Variants in LBHD1 observed in about 807,000 individuals in gnomAD.
LBHD1 encodes the protein LBH domain containing 1, also known as LBH domain-containing protein 1.
Under a neutral mutation model 31.1 loss-of-function variants are expected in LBHD1, and 28 were observed. That is an observed-to-expected ratio of 0.90 (90% confidence interval 0.67 to 1.24). The LOEUF is 1.24. Ranked by LOEUF, LBHD1 falls within the 50% of genes most tolerant of loss-of-function variation. LBHD1 has a pLI of 0.00. For missense variants in LBHD1, 350 were observed against 323.0 expected (o/e 1.08, Z -0.64); for synonymous variants, 105 against 116.5 (o/e 0.90, Z 0.63).
chr11:62,663,183 A>T (rs1309484039), intron 6 of LBHD1, 24 bp from the exon 7 acceptor site: 2 of 1,613,838 alleles, frequency 1.2e-6, no homozygotes, highest in South Asian at 2.2e-5. Flanking sequence ...AGAAGGAAGT[A>T]TTATCCCAAA....
intron 1 of LBHD1, 38 bp from the exon 2 acceptor site, chr11:62,670,079 T>A: frequency 3.2e-6 from 5 of 1,546,252 alleles, no homozygotes; most frequent in Non-Finnish European, 4.4e-6. Context: ...AGGAGAGTAC[T>A]GCTGCCCAGT....
intron 4 of LBHD1, chr11:62,665,286 TA>T (rs2134614132): frequency 1.4e-6 from 1 of 724,856 alleles, no homozygotes; most frequent in African/African-American, 1.8e-5. Context: ...TCGGGCTATA[TA>T]AAGGAGCTCC....
intron 3 of LBHD1, chr11:62,669,359 T>C (rs1401203062): frequency 6.2e-6 from 6 of 975,532 alleles, no homozygotes; most frequent in East Asian, 2.3e-4. Flanking sequence ...ATCGCGCCAC[T>C]GCACTCCAGT....
chr11:62,669,796 G>A lies in LBHD1; in HGVS notation c.158C>T (p.Ser53Phe). The stretch of plus-strand genomic sequence containing the variant: ...AATAGACGGCAGATGGGACTTTTGA[G>A]AGAAATCCTGAATAGGGACAGCAGG... The part of the protein sequence containing the change: ...VEGHQHIQDF[S>F]QKSHLPSIVV... Residue 53 changes from serine (S) to phenylalanine (F), a missense_variant, in exon 3 of 7, where the codon TCT becomes TTT. Physicochemically the swap from Ser to Phe is radical, Grantham distance 155. Transcript: ENST00000354588. 6.2e-7 allele frequency: 1 copy of A among 1,614,226 alleles called. No individual in the cohort carries two copies. The highest frequency in any genetic ancestry group is 8.5e-7 in the Non-Finnish European group (1 of 1,180,036).
chr11:62,665,957 G>C, intron 4 of LBHD1: 1 of 1,602,298 alleles, frequency 6.2e-7, no homozygotes, highest in Admixed American at 1.7e-5. Context: ...GTAGGGAGGT[G>C]GGGGCAGAGT....
intron 4 of LBHD1, chr11:62,666,206 G>A (rs1193883016): frequency 1.4e-6 from 1 of 723,062 alleles, no homozygotes; most frequent in African/African-American, 1.8e-5. Context: ...CGGGCACGAT[G>A]GCGCCTATAG....
chr11:62,669,794 G>A lies in LBHD1; in HGVS notation c.160C>T (p.Gln54Ter). 1.2e-6 allele frequency: 2 copies of A among 1,614,196 alleles called. No homozygotes were observed. Among genetic ancestry groups the A allele is most frequent in the Non-Finnish European group, 1.7e-6 (2 of 1,180,032 alleles). ...ACAATAGACGGCAGATGGGACTTTT[G>A]AGAGAAATCCTGAATAGGGACAGCA... ...EGHQHIQDFS[Q>*]KSHLPSIVVE... is the part of the protein sequence containing the mutation. The change falls in exon 3 of 7, where the codon CAA (glutamine) becomes TAA (stop). Residue 54 changes from glutamine to a stop codon, truncating the protein, a stop_gained. Transcript: ENST00000354588. LOFTEE classifies it high-confidence loss of function.
rs891438590 is a variant in LBHD1, at chr11:62,671,593, G to T, written c.-40C>A. 3.4e-6 allele frequency: 5 copies of T among 1,476,240 alleles called. No individual in the cohort carries two copies. The highest frequency in any genetic ancestry group is 4.5e-6 in the Non-Finnish European group (5 of 1,121,244). The allele number at this position is 1,476,240 out of a possible 1,614,324, so 91.4% of individuals were successfully genotyped here. On this transcript the variant is annotated 5_prime_UTR_variant, in exon 1 of 7. Transcript: ENST00000354588. ...GATCCAAGCGCTCCGGATTCCAAAC[G>T]TTTCCTCGAGCAGGTCCTCTCTAGC... is the stretch of plus-strand genomic sequence containing the variant.
chr11:62,667,089 G>T, intron 4 of LBHD1: 1 of 1,525,266 alleles, frequency 6.6e-7, no homozygotes, highest in Non-Finnish European at 8.8e-7. Context: ...ATTTCTGTGG[G>T]CAAGGAGAGG....
chr11:62,665,221 CCG>C, intron 4 of LBHD1: 1 of 775,958 alleles, frequency 1.3e-6, no homozygotes, highest in South Asian at 1.4e-5. Flanking sequence ...AGCGCCGGAT[CCG>C]CGGGGCTCCG....
Position 62,669,877 on chromosome 11 carries a change from C to T in LBHD1, c.150+5G>A, listed in dbSNP as rs1344074776. ...CTGCCAGACACAGGCTGAGGAAGTACTAACCTGAATGTGCTGGTGACCTTC... is the reference window on the plus strand; with the variant it reads ...CTGCCAGACACAGGCTGAGGAAGTATTAACCTGAATGTGCTGGTGACCTTC... On this transcript the variant is annotated splice_donor_5th_base_variant and intron_variant, in intron 2 of 6. Coordinates refer to ENST00000354588, the MANE Select transcript of LBHD1 (RefSeq NM_024099.5). 2 of 1,614,220 alleles carry T rather than the reference C, an allele frequency of 1.2e-6. No individual in the cohort carries two copies. The highest frequency in any genetic ancestry group is 8.5e-7 in the Non-Finnish European group (1 of 1,180,046).
Position 62,672,255 on chromosome 11 carries a change from G to T in LBHD1, c.-702C>A, listed in dbSNP as rs1320168159. ...TCCGGGGTCCTGTGAGCTGCCGTCG[G>T]GTGAGCACGTTTCCCCCAAACCCTG... is the stretch of plus-strand genomic sequence containing the variant. On this transcript the variant is annotated 5_prime_UTR_variant, in exon 1 of 7. Transcript: ENST00000354588. The T allele has an allele frequency of 2.3e-6, 2 of 884,326 alleles. No individual in the cohort carries two copies. Among genetic ancestry groups the T allele is most frequent in the Non-Finnish European group, 3.4e-6 (2 of 589,542 alleles). 54.8% of individuals were successfully genotyped at this position (884,326 alleles called of 1,614,324 possible). A position where few individuals can be genotyped will look rare whatever the true frequency, so the allele number is the denominator to read the frequency against.
At chr11:62,667,026 C>CTT in intron 4 of LBHD1, 1 of 1,606,876 alleles carries the variant, frequency 6.2e-7, no homozygotes, top group Non-Finnish European at 8.5e-7. Context: ...ACCTACTTTG[C>CTT]TTACTTGATT....
Position 62,663,277 on chromosome 11 carries a change from TGGA to T in LBHD1, c.717_719del (p.Pro240del), listed in dbSNP as rs779052247. On this transcript the variant is annotated inframe_deletion, in exon 6 of 7. Coordinates refer to ENST00000354588, the MANE Select transcript of LBHD1 (RefSeq NM_024099.5). ...CTCTTTCTGGGCAAGCCGGATCTGC[TGGA>T]GGAGTTTTCTGCGCTTCTTCCCTGA... The T allele has an allele frequency of 7.4e-6, 12 of 1,614,204 alleles. No individual in the cohort carries two copies. Among genetic ancestry groups the T allele is most frequent in the Middle Eastern group, 1.6e-4 (1 of 6,062 alleles).
At chr11:62,666,181 A>G (rs1338026815) in intron 4 of LBHD1, 3 of 710,512 alleles carry the variant, frequency 4.2e-6, no homozygotes, top group East Asian at 2.7e-5. Flanking sequence ...GACCCTGTCT[A>G]CAAAAAAAAT....
intron 3 of LBHD1, chr11:62,667,957 ACTC>A: frequency 5.9e-6 from 3 of 505,398 alleles, no homozygotes; most frequent in Non-Finnish European, 1.1e-5. Context: ...AGTTCCAACT[ACTC>A]AGGAGGCTGA....
intron 3 of LBHD1, among the ~76,000 whole-genome samples, chr11:62,668,835 CAAAA>C (rs935551953): frequency 6.6e-6 from 1 of 150,946 alleles, no homozygotes; most frequent in African/African-American, 2.4e-5. Flanking sequence ...AACAAACAAA[CAAAA>C]AAACAGTACA....
Position 62,672,026 on chromosome 11 carries a change from A to C in LBHD1, c.-473T>G. On this transcript the variant is annotated 5_prime_UTR_variant, in exon 1 of 7. Transcript: ENST00000354588. The stretch of plus-strand genomic sequence containing the variant: ...CAGCAGCTATTGCTGGCCACTCTGC[A>C]GGAGGCAGCGACCACGCAGGAGAAC... 1 of 1,613,312 alleles carries C rather than the reference A, an allele frequency of 6.2e-7. No homozygotes were observed. Among genetic ancestry groups the C allele is most frequent in the Non-Finnish European group, 8.5e-7 (1 of 1,179,778 alleles).
chr11:62,665,457 C>A, intron 4 of LBHD1: 2 of 1,568,474 alleles, frequency 1.3e-6, no homozygotes, highest in African/African-American at 1.3e-5. Context: ...CTTGTGGTGC[C>A]GCTCCCCGTA....
Sources: allele counts gnomAD v4.1 joint callset (sites outside exome capture counted in the v4.1 genomes callset), GRCh38; gene constraint gnomAD v4.1.1; transcripts MANE v1.5; gene names NCBI Gene and HGNC (gene_info 2026-07-23, HGNC 2026-07-21).